The following BSCL2 variants were observed in gnomAD, a reference collection of about 807,000 sequenced individuals.
BSCL2 encodes the protein BSCL2 lipid droplet biogenesis associated, seipin, also known as seipin.
A neutral mutation model predicts 57.4 loss-of-function variants in BSCL2; 41 were observed. That is an observed-to-expected ratio of 0.71 (90% CI 0.56 to 0.93). The LOEUF (loss-of-function observed/expected upper bound fraction) is 0.93, where lower values mean the gene tolerates loss of function less well. Ranked by LOEUF, BSCL2 falls within the 40% of genes least tolerant of loss-of-function variation. BSCL2 has a pLI of 0.00. For synonymous variants in BSCL2, 237 were observed against 227.3 expected (o/e 1.04, Z -0.38); for missense variants, 539 against 586.7 (o/e 0.92, Z 0.84).
At chr11:62,706,405 G>T (rs1186738614) in intron 1 of BSCL2, 3 of 705,048 alleles carry the variant, frequency 4.3e-6, no homozygotes, top group Non-Finnish European at 6.0e-6. Flanking sequence ...GGGGCGGGAC[G>T]GGGCGGAGCC....
chr11:62,705,075 CTT>C (rs566098807), intron 2 of BSCL2, among the ~76,000 whole-genome samples: 50 of 132,950 alleles, frequency 3.8e-4, no homozygotes, highest in African/African-American at 3.9e-4. Context: ...GATATTTTTC[CTT>C]TTTTTTTTTT....
chr11:62,704,985 G>C (rs994513466), intron 2 of BSCL2, among the ~76,000 whole-genome samples: 2 of 151,876 alleles, frequency 1.3e-5, no homozygotes, highest in African/African-American at 4.8e-5. Flanking sequence ...AAAGGGTTGA[G>C]TTGGCTCAAA....
chr11:62,705,272 C>G (rs2083507905), intron 2 of BSCL2, 29 bp downstream of exon 2: 3 of 1,572,014 alleles, frequency 1.9e-6, no homozygotes, highest in Non-Finnish European at 2.6e-6. Flanking sequence ...CCATAGGAGT[C>G]CTCTATTTTG....
At chr11:62,704,857 A>G (rs1019489061) in intron 2 of BSCL2, among the ~76,000 whole-genome samples, 1 of 152,134 alleles carries the variant, frequency 6.6e-6, no homozygotes, top group Admixed American at 6.6e-5. Flanking sequence ...TACTCATCTT[A>G]TGTTTCCATA....
At chr11:62,699,686 T>TG (rs1352266798) in intron 3 of BSCL2, among the ~76,000 whole-genome samples, 1 of 147,668 alleles carries the variant, frequency 6.8e-6, no homozygotes, top group Admixed American at 6.8e-5. Context: ...TTTTTTTTTT[T>TG]TTTTTTTTTT....
chr11:62,702,888 C>T (rs539321203), intron 2 of BSCL2, among the ~76,000 whole-genome samples: 84 of 152,100 alleles, frequency 5.5e-4, no homozygotes, highest in African/African-American at 1.2e-3. Flanking sequence ...CAGCGGCTCA[C>T]GCCTGTAATC....
intron 1 of BSCL2, chr11:62,706,439 C>A: frequency 2.2e-6 from 1 of 452,804 alleles, no homozygotes; most frequent in Non-Finnish European, 3.7e-6. Context: ...AGGTCGCTGT[C>A]TCCTTGCGCT....
intron 3 of BSCL2, among the ~76,000 whole-genome samples, 192 bp from the exon 4 acceptor site, chr11:62,694,903 G>T (rs1210207560): frequency 6.6e-6 from 1 of 152,024 alleles, no homozygotes; most frequent in Non-Finnish European, 1.5e-5. Flanking sequence ...AGCCTCTCAC[G>T]TCCAGTTCTT....
intron 4 of BSCL2, 94 bp from the exon 5 acceptor site, chr11:62,692,891 G>A: frequency 6.4e-7 from 1 of 1,551,064 alleles, no homozygotes; most frequent in Middle Eastern, 2.3e-4. Context: ...AGTCTATGAA[G>A]GCGGCTTCTT....
intron 3 of BSCL2, among the ~76,000 whole-genome samples, chr11:62,701,033 T>C (rs1291163196): frequency 6.6e-6 from 1 of 151,626 alleles, no homozygotes; most frequent in Non-Finnish European, 1.5e-5. Context: ...CATATGCATT[T>C]CTCAGGGTTC....
chr11:62,690,592 C>T lies in BSCL2; in HGVS notation c.1234+20G>A, dbSNP rs113229350. 1.1e-3 allele frequency: 1,717 copies of T among 1,613,970 alleles called. 14 individuals are homozygous for T. The African/African-American group carries it at 0.02, about 18-fold the overall frequency. On this transcript the variant is annotated intron_variant, in intron 10 of 10. Transcript: ENST00000360796. ...TTAACCGGGGGCCCCACCCAGGTCA[C>T]GCTGCAGGATGCCCCTCACCATCAC...
At chr11:62,708,987 C>A (rs1038951705), upstream of BSCL2, 2 of 610,520 alleles carry the variant, frequency 3.3e-6, no homozygotes, top group Non-Finnish European at 5.9e-6. Flanking sequence ...TTTCCTACCA[C>A]CTTTGTGGCC....
chr11:62,690,844 T>C lies in BSCL2; in HGVS notation c.1096A>G (p.Thr366Ala), dbSNP rs776379711. ...TCCTCTGTAACATCTGATTGCGGAG[T>C]TGACTCCTCCTGGCCTTCAGGCCCT... Reference protein sequence around the residue: ...QPGPEGQEESTPQSDVTEDGE... With the variant: ...QPGPEGQEESAPQSDVTEDGE... The change falls in exon 9 of 11, where the codon ACT (threonine) becomes GCT (alanine). Residue 366 changes from threonine to alanine, a missense_variant. Transcript: ENST00000360796. The C allele has an allele frequency of 6.8e-6, 11 of 1,613,488 alleles. No individual in the cohort carries two copies. Among genetic ancestry groups the C allele is most frequent in the East Asian group, 2.2e-5 (1 of 44,868 alleles).
intron 10 of BSCL2, 34 bp downstream of exon 10, chr11:62,690,578 C>G: frequency 6.2e-7 from 1 of 1,613,984 alleles, no homozygotes; most frequent in Non-Finnish European, 8.5e-7. Context: ...TAACCGGGGG[C>G]CCCACCCAGG....
upstream of BSCL2, chr11:62,708,076 G>A (rs1007262901): frequency 5.1e-6 from 3 of 587,328 alleles, no homozygotes; most frequent in East Asian, 5.7e-5. Flanking sequence ...AATGATCTGT[G>A]GCCCAGGCCA....
At chr11:62,707,681 A>G (rs548600576), upstream of BSCL2, 15 of 392,774 alleles carry the variant, frequency 3.8e-5, 1 homozygote, top group East Asian at 5.6e-4. Flanking sequence ...AGCTCCTTCT[A>G]GCATCCTTCA....
chr11:62,696,095 C>A (rs1055320091), intron 3 of BSCL2, among the ~76,000 whole-genome samples: 2 of 152,122 alleles, frequency 1.3e-5, no homozygotes, highest in Admixed American at 6.6e-5. Flanking sequence ...TGCTTGAACC[C>A]GAGAGGCGGA....
chr11:62,709,348 G>A (rs974997783), upstream of BSCL2: 2 of 453,940 alleles, frequency 4.4e-6, no homozygotes, highest in East Asian at 6.9e-5. Flanking sequence ...GCGCGAGAGA[G>A]CGTCCACAGT....
intron 3 of BSCL2, among the ~76,000 whole-genome samples, chr11:62,696,472 AT>A (rs1294350810): frequency 6.4e-5 from 5 of 78,620 alleles, no homozygotes; most frequent in Non-Finnish European, 9.0e-5. Flanking sequence ...GCAACTAAAA[AT>A]TTTTTTTTTT....
Sources: allele counts gnomAD v4.1 joint callset (sites outside exome capture counted in the v4.1 genomes callset), GRCh38; gene constraint gnomAD v4.1.1; transcripts MANE v1.5; gene names NCBI Gene and HGNC (gene_info 2026-07-23, HGNC 2026-07-21).